SLC26A5: variants seen among roughly 807,000 people sequenced by gnomAD.
SLC26A5 encodes prestin.
In SLC26A5, 51 loss-of-function variants were observed where a neutral mutation model predicts 81.0. The ratio of observed to expected loss-of-function variants is 0.63; its 90% CI spans 0.50 to 0.80. SLC26A5 has a LOEUF of 0.80. Among genes scored for constraint, SLC26A5 ranks in the 30% least tolerant of loss-of-function variants. The probability of loss-of-function intolerance (pLI) is 0.00; values close to 1 mark genes in which losing one functional copy is unlikely to be tolerated. For missense variants in SLC26A5, 771 were observed against 905.8 expected, an observed-to-expected ratio of 0.85 and a Z score of 1.91; for synonymous variants, 325 against 332.8, an observed-to-expected ratio of 0.98 and a Z score of 0.25.
At chr7:103,361,153 T>G (rs542739748) in intron 19 of SLC26A5, among the ~76,000 whole-genome samples, 8 of 49,816 alleles carry the variant, frequency 1.6e-4, no homozygotes, top group African/African-American at 3.6e-4. Flanking sequence ...TTCTACTGCC[T>G]CAGTTAAAAA....
At position 103,393,069 on chromosome 7, in the gene SLC26A5, G is replaced by GA; in HGVS notation, c.972-4dup. Reference sequence around the variant, plus strand: ...CCGGATTGGCTGGAGGTAGCAGCCTGAAAAGTCAAGCTGCCTTTAACTTGT... The same window carrying GA: ...CCGGATTGGCTGGAGGTAGCAGCCTGAAAAAGTCAAGCTGCCTTTAACTTGT... On this transcript the variant is annotated splice_polypyrimidine_tract_variant and splice_region_variant and intron_variant, in intron 9 of 19. Coordinates refer to ENST00000306312, the MANE Select transcript of SLC26A5 (RefSeq NM_198999.3). 3.1e-6 allele frequency: 5 copies of GA among 1,613,880 alleles called. No homozygotes were observed. Among genetic ancestry groups the GA allele is most frequent in the Non-Finnish European group, 4.2e-6 (5 of 1,179,834 alleles).
At chr7:103,407,534 A>G (rs1824149972) in intron 8 of SLC26A5, among the ~76,000 whole-genome samples, 1 of 152,208 alleles carries the variant, frequency 6.6e-6, no homozygotes, top group Non-Finnish European at 1.5e-5. Flanking sequence ...AGGTTATTAA[A>G]GTAATATGTA....
intron 12 of SLC26A5, among the ~76,000 whole-genome samples, chr7:103,389,826 C>T (rs1050955260): frequency 1.3e-5 from 2 of 152,094 alleles, no homozygotes; most frequent in African/African-American, 4.8e-5. Context: ...CGGGATTTCA[C>T]CATGTTGCCC....
chr7:103,421,208 C>T lies in SLC26A5; in HGVS notation c.152+155G>A, dbSNP rs568302382. ...ATGAAGCCTGTGTGCAAATATCTAACGCTGACTGAACCTCGTGAACAGCTT... is the reference window on the plus strand; with the variant it reads ...ATGAAGCCTGTGTGCAAATATCTAATGCTGACTGAACCTCGTGAACAGCTT... On this transcript the variant is annotated intron_variant, in intron 3 of 19. Coordinates refer to ENST00000306312, the MANE Select transcript of SLC26A5 (RefSeq NM_198999.3). 2.5e-3 allele frequency among the ~76,000 whole-genome samples: 379 copies of T among 152,286 alleles called. 2 individuals carry two copies. Among genetic ancestry groups the T allele is most frequent in the Non-Finnish European group, 4.0e-3 (269 of 68,032 alleles).
At chr7:103,437,788 G>C (rs544428258) in intron 2 of SLC26A5, among the ~76,000 whole-genome samples, 2 of 152,278 alleles carry the variant, frequency 1.3e-5, no homozygotes, top group Admixed American at 1.3e-4. Flanking sequence ...GGGTGGGAGG[G>C]AAGGAATGGG....
At chr7:103,378,310 T>C in intron 17 of SLC26A5, 136 bp downstream of exon 17, 2 of 812,170 alleles carry the variant, frequency 2.5e-6, no homozygotes, top group African/African-American at 1.7e-5. Context: ...TTGTAAAATA[T>C]AGAGGATACT....
chr7:103,432,700 T>A (rs1474289552), intron 2 of SLC26A5, among the ~76,000 whole-genome samples: 1 of 152,084 alleles, frequency 6.6e-6, no homozygotes, highest in Non-Finnish European at 1.5e-5. Flanking sequence ...CTTCTGCTTG[T>A]TCTGTTTGCT....
intron 8 of SLC26A5, among the ~76,000 whole-genome samples, chr7:103,405,692 A>G (rs1206209075): frequency 6.6e-6 from 1 of 152,210 alleles, no homozygotes; most frequent in Non-Finnish European, 1.5e-5. Flanking sequence ...GACCCTTAGC[A>G]GAGCTCGAAT....
chr7:103,427,851 C>CTTTTTTTTTTTTT (rs60928156), intron 2 of SLC26A5, among the ~76,000 whole-genome samples: 1 of 143,978 alleles, frequency 6.9e-6, no homozygotes, highest in African/African-American at 2.6e-5. Context: ...TCTAGAGATT[C>CTTTTTTTTTTTTT]TTTTTTTTTT....
chr7:103,386,811 G>C (rs574725626), intron 14 of SLC26A5, among the ~76,000 whole-genome samples: 142 of 151,472 alleles, frequency 9.4e-4, no homozygotes, highest in Admixed American at 1.8e-3. Context: ...CGCCCAGGCT[G>C]GAGTGCAATG....
In SLC26A5 at chr7:103,378,631, T is replaced by TC. The variant is rs112741831; in HGVS notation, c.1678-79dup. 25 of 1,268,438 alleles carry TC rather than the reference T, an allele frequency of 2.0e-5. No homozygotes were observed. In the African/African-American group the frequency reaches 2.5e-4, roughly 13 times the overall value. 78.6% of individuals were successfully genotyped at this position (1,268,438 alleles called of 1,614,324 possible). A position where few individuals can be genotyped will look rare whatever the true frequency, so the allele number is the denominator to read the frequency against. On this transcript the variant is annotated intron_variant, in intron 16 of 19. Transcript: ENST00000306312. ...CCCCAATGCCACTCCCCTTCAAATC[T>TC]CCCCATTTAACTGCTTTCTGGGTCA...
intron 4 of SLC26A5, among the ~76,000 whole-genome samples, chr7:103,419,555 T>A (rs78611075): frequency 6.6e-6 from 1 of 151,762 alleles, no homozygotes; most frequent in Non-Finnish European, 1.5e-5. Flanking sequence ...TTTTTTTTTT[T>A]CCAATAGAGT....
intron 4 of SLC26A5, among the ~76,000 whole-genome samples, chr7:103,414,647 G>A (rs1824770855): frequency 6.6e-6 from 1 of 152,138 alleles, no homozygotes; most frequent in Non-Finnish European, 1.5e-5. Context: ...ATGTACCACA[G>A]TTTATCCATT....
rs1240981800 is a variant in SLC26A5 at position 103,386,128 on chromosome 7, A to G, written c.1514+2880T>C. Among the ~76,000 whole-genome samples the G allele has an allele frequency of 4.0e-5, 6 of 151,596 alleles. No individual in the cohort carries two copies. In the East Asian group the frequency reaches 1.2e-3, roughly 29 times the overall value. On this transcript the variant is annotated intron_variant, in intron 14 of 19. Coordinates refer to ENST00000306312, the MANE Select transcript of SLC26A5 (RefSeq NM_198999.3). Reference sequence around the variant, plus strand: ...GTATTTTTAGTAGAGACAGGGTTTTACCATGTTGGTCAGGCTAGTCTTGAA... The same window carrying G: ...GTATTTTTAGTAGAGACAGGGTTTTGCCATGTTGGTCAGGCTAGTCTTGAA...
chr7:103,436,780 T>C (rs1441759812), intron 2 of SLC26A5, among the ~76,000 whole-genome samples: 2 of 152,182 alleles, frequency 1.3e-5, no homozygotes, highest in African/African-American at 2.4e-5. Flanking sequence ...TCATACTATA[T>C]GCAAAAACCA....
intron 3 of SLC26A5, 109 bp from the exon 4 acceptor site, chr7:103,420,986 T>C (rs189776590): frequency 2.4e-6 from 3 of 1,250,966 alleles, no homozygotes; most frequent in African/African-American, 3.0e-5. Flanking sequence ...TCTGGAAAAA[T>C]TTCCAATTGG....
chr7:103,434,016 T>C (rs1361935230), intron 2 of SLC26A5, among the ~76,000 whole-genome samples: 1 of 152,166 alleles, frequency 6.6e-6, no homozygotes, highest in Non-Finnish European at 1.5e-5. Context: ...TAATTTTTTC[T>C]AAGCCTGGTG....
chr7:103,365,385 A>C (rs184845527), intron 19 of SLC26A5, among the ~76,000 whole-genome samples: 1 of 152,248 alleles, frequency 6.6e-6, no homozygotes, highest in Non-Finnish European at 1.5e-5. Flanking sequence ...TAATCCTAGC[A>C]CTTTGGGAGG....
chr7:103,418,937 C>T (rs1825123956), intron 4 of SLC26A5, among the ~76,000 whole-genome samples: 1 of 152,154 alleles, frequency 6.6e-6, no homozygotes, highest in Non-Finnish European at 1.5e-5. Context: ...TGAATTGTAG[C>T]TCCCATAATT....
Sources: gnomAD v4.1 joint callset for allele counts (sites outside exome capture counted in the v4.1 genomes callset) on GRCh38, gnomAD v4.1.1 for gene constraint, MANE v1.5 for transcripts, NCBI Gene and HGNC (gene_info 2026-07-23, HGNC 2026-07-21) for gene names.